MAPK8IP1: variants seen among roughly 807,000 people sequenced by gnomAD.
MAPK8IP1 encodes C-Jun-amino-terminal kinase-interacting protein 1.
MAPK8IP1 carries 17 observed loss-of-function variants against 72.6 expected under a neutral mutation model. The observed-to-expected ratio is 0.23, with a 90% CI of 0.16 to 0.35. The LOEUF (loss-of-function observed/expected upper bound fraction) is 0.35. Ranked by LOEUF, MAPK8IP1 falls within the 10% of genes least tolerant of loss-of-function variation. MAPK8IP1 has a pLI of 1.00. For missense variants in MAPK8IP1, 789 were observed against 1,009.7 expected (o/e 0.78, Z 2.96); for synonymous variants, 401 against 443.4 (o/e 0.90, Z 1.20).
chr11:45,886,730 A>G (rs1025195297), intron 1 of MAPK8IP1, among the ~76,000 whole-genome samples: 5 of 152,110 alleles, frequency 3.3e-5, no homozygotes, highest in Non-Finnish European at 7.4e-5. Context: ...TACCTCCCCC[A>G]TAATTCTGAA....
In MAPK8IP1 at chr11:45,902,370, A is replaced by C; in HGVS notation, c.605-2A>C. The C allele has an allele frequency of 6.4e-7, 1 of 1,559,212 alleles. No individual in the cohort carries two copies. The highest frequency in any genetic ancestry group is 8.7e-7 in the Non-Finnish European group (1 of 1,151,794). Reference sequence around the variant, plus strand: ...TGCCTTCATGACCTGCCTGCTCTCCAGGGGAGCAGACACCACCGCATGAAC... The same window carrying C: ...TGCCTTCATGACCTGCCTGCTCTCCCGGGGAGCAGACACCACCGCATGAAC... On this transcript the variant is annotated splice_acceptor_variant, in intron 4 of 11. Coordinates refer to ENST00000241014, the MANE Select transcript of MAPK8IP1 (RefSeq NM_005456.4). LOFTEE classifies it high-confidence loss of function. The surrounding 1 kb of genome is among the most constrained non-coding windows in gnomAD (Gnocchi z 9.3).
At chr11:45,899,952 G>T (rs1414868417) in intron 2 of MAPK8IP1, among the ~76,000 whole-genome samples, 186 bp from the exon 3 acceptor site, 1 of 152,170 alleles carries the variant, frequency 6.6e-6, no homozygotes, top group African/African-American at 2.4e-5. Flanking sequence ...CTGGATCGGG[G>T]AGGCGGCGGC....
rs2086670994 is a variant in MAPK8IP1 at position 45,903,179 on chromosome 11, C to T, written c.1412C>T (p.Ser471Phe). ...LNVFMSGRSR[S>F]SSAESFGLFS... ...GTCTTCATGAGTGGCCGCTCCCGCT[C>T]CTCCAGTGAGTCAGCAAGGGGAAGC... is the stretch of plus-strand genomic sequence containing the variant. Residue 471 changes from serine to phenylalanine, a missense_variant, in exon 5 of 12, where the codon TCC becomes TTC. Ser to Phe is a radical substitution (Grantham distance 155, BLOSUM62 -2). This residue lies in a region of MAPK8IP1 where 377 missense variants were observed against 411.7 expected (regional missense o/e 0.92). Coordinates refer to ENST00000241014, the MANE Select transcript of MAPK8IP1 (RefSeq NM_005456.4). The surrounding 1 kb of genome is among the most constrained non-coding windows in gnomAD (Gnocchi z 6.4). 1 of 1,601,158 alleles carries T rather than the reference C, an allele frequency of 6.2e-7. No individual in the cohort carries two copies. The highest frequency in any genetic ancestry group is 1.1e-5 in the South Asian group (1 of 90,560).
At chr11:45,898,399 C>T (rs2086623901) in intron 2 of MAPK8IP1, among the ~76,000 whole-genome samples, 1 of 152,158 alleles carries the variant, frequency 6.6e-6, no homozygotes, top group Admixed American at 6.5e-5. Flanking sequence ...ATTATTACTG[C>T]TGTCGGGGAC....
chr11:45,902,047 C>T lies in MAPK8IP1; in HGVS notation c.590C>T (p.Ser197Leu). ...SWQDRVSRSS[S>L]PLKTGEQTPP... ...CAGGATCGGGTGTCTCGATCATCCTCACCCCTGAAGACAGGTAAGTCAGGG... is the reference window on the plus strand; with the variant it reads ...CAGGATCGGGTGTCTCGATCATCCTTACCCCTGAAGACAGGTAAGTCAGGG... The change falls in exon 4 of 12, where the codon TCA becomes TTA. Residue 197 changes from serine (S) to leucine (L), a missense_variant. Ser to Leu is a moderately radical substitution (Grantham distance 145). Transcript: ENST00000241014. This position sits in a 1 kb window ranked among gnomAD's most constrained non-coding sequence, Gnocchi z 9.3. 1.2e-6 allele frequency: 2 copies of T among 1,614,102 alleles called. No individual in the cohort carries two copies. The highest frequency in any genetic ancestry group is 1.7e-5 in the Admixed American group (1 of 60,026).
At chr11:45,898,236 C>A in intron 2 of MAPK8IP1, 46 bp downstream of exon 2, 1 of 1,343,054 alleles carries the variant, frequency 7.4e-7, no homozygotes. Context: ...GGCAGGAAGG[C>A]TAGGGACAGG....
chr11:45,897,223 G>A (rs2086615731), intron 1 of MAPK8IP1, among the ~76,000 whole-genome samples: 1 of 151,118 alleles, frequency 6.6e-6, no homozygotes, highest in African/African-American at 2.4e-5. Context: ...AGCAAGCCAG[G>A]CAGAGTGCCC....
chr11:45,885,950 G>T, intron 1 of MAPK8IP1, 29 bp downstream of exon 1: 1 of 1,416,136 alleles, frequency 7.1e-7, no homozygotes. Context: ...CGCGCGCCTC[G>T]CCCTTCAGCG....
At chr11:45,896,961 C>T (rs1443172213) in intron 1 of MAPK8IP1, 3 of 1,565,928 alleles carry the variant, frequency 1.9e-6, no homozygotes, top group East Asian at 4.7e-5. Context: ...GTAGGGGCTA[C>T]CGGGGCTGGC....
At chr11:45,901,150 C>T (rs929270041) in intron 3 of MAPK8IP1, among the ~76,000 whole-genome samples, 1 of 152,010 alleles carries the variant, frequency 6.6e-6, no homozygotes, top group Non-Finnish European at 1.5e-5. Flanking sequence ...GCTGGGGCTG[C>T]GGGGAAAGGC....
In MAPK8IP1 at chr11:45,904,708, T is replaced by C. The variant is rs1280059498; in HGVS notation, c.1777-10T>C. On this transcript the variant is annotated splice_polypyrimidine_tract_variant and intron_variant, in intron 8 of 11. Transcript: ENST00000241014. This position sits in a 1 kb window ranked among gnomAD's most constrained non-coding sequence, Gnocchi z 6.4. ...ACAGCAGCTGACGTGGCTCCATTTG[T>C]CACCTGTAGATTGCCACCACCCGCC... 1.5e-5 allele frequency: 24 copies of C among 1,613,478 alleles called. No homozygotes were observed. Among genetic ancestry groups the C allele is most frequent in the Non-Finnish European group, 2.0e-5 (24 of 1,179,870 alleles).
intron 1 of MAPK8IP1, among the ~76,000 whole-genome samples, chr11:45,897,621 G>A (rs1217263272): frequency 6.6e-6 from 1 of 152,202 alleles, no homozygotes; most frequent in African/African-American, 2.4e-5. Flanking sequence ...TCCTGAGCTG[G>A]GGCGTGGGGC....
intron 1 of MAPK8IP1, among the ~76,000 whole-genome samples, chr11:45,886,302 G>A (rs1302558388): frequency 6.6e-6 from 1 of 152,236 alleles, no homozygotes; most frequent in Non-Finnish European, 1.5e-5. Context: ...GCTGGGAACA[G>A]CCTGGAGGGG....
chr11:45,905,133 A>G lies in MAPK8IP1; in HGVS notation c.1965-18A>G, dbSNP rs138336398. The G allele has an allele frequency of 8.7e-6, 14 of 1,613,592 alleles. No individual in the cohort carries two copies. Among genetic ancestry groups the G allele is most frequent in the Non-Finnish European group, 1.2e-5 (14 of 1,179,680 alleles). ...GGGCCGAGCCCCCGTCCCAGCACAG[A>G]CAGACCTGTCCCTGCAGGTACTTTG... On this transcript the variant is annotated intron_variant, in intron 10 of 11. Transcript: ENST00000241014.
chr11:45,886,056 G>C, intron 1 of MAPK8IP1, 135 bp downstream of exon 1: 1 of 489,856 alleles, frequency 2.0e-6, no homozygotes. Context: ...GTCTCTTCCC[G>C]GGACAGAGCC....
Position 45,902,960 on chromosome 11 carries a change from C to T in MAPK8IP1, c.1193C>T (p.Pro398Leu). 6.2e-7 allele frequency: 1 copy of T among 1,611,948 alleles called. No individual in the cohort carries two copies. Among genetic ancestry groups the T allele is most frequent in the Non-Finnish European group, 8.5e-7 (1 of 1,179,850 alleles). ...HAQLELVSLRPCFGDYSDESD... is the reference protein window; with the variant it reads ...HAQLELVSLRLCFGDYSDESD... ...CAGCTGGAGCTGGTGAGCCTGCGGC[C>T]GTGCTTCGGAGACTACAGTGACGAG... The change falls in exon 5 of 12, where the codon CCG (proline) becomes CTG (leucine). Residue 398 changes from proline (P) to leucine (L), a missense_variant. Around this residue, in one of 4 missense-constraint regions of MAPK8IP1, gnomAD observed 377 missense variants for 411.7 expected, o/e 0.92. Transcript: ENST00000241014. The surrounding 1 kb of genome is among the most constrained non-coding windows in gnomAD (Gnocchi z 9.3).
At chr11:45,887,278 TGGGC>T (rs2086534655) in intron 1 of MAPK8IP1, among the ~76,000 whole-genome samples, 1 of 152,184 alleles carries the variant, frequency 6.6e-6, no homozygotes, top group Non-Finnish European at 1.5e-5. Flanking sequence ...ATCTGTTAAG[TGGGC>T]TAATTAATAT....
At chr11:45,901,885 G>T in intron 3 of MAPK8IP1, 95 bp from the exon 4 acceptor site, 1 of 900,576 alleles carries the variant, frequency 1.1e-6, no homozygotes, top group Non-Finnish European at 1.9e-6. Context: ...ACAGCAAATG[G>T]CCCTAGGGAT....
In MAPK8IP1 at chr11:45,901,961, C is replaced by G. The variant is rs1394957554; in HGVS notation, c.523-19C>G. ...CTGTTGACCACTTCCATCACAAGAG[C>G]CTTTTGTTCCCTGCACAGGACACAC... On this transcript the variant is annotated intron_variant, in intron 3 of 11. Transcript: ENST00000241014. 6.2e-7 allele frequency: 1 copy of G among 1,601,568 alleles called. No homozygotes were observed. Among genetic ancestry groups the G allele is most frequent in the African/African-American group, 1.3e-5 (1 of 74,786 alleles).
Sources: allele counts gnomAD v4.1 joint callset (sites outside exome capture counted in the v4.1 genomes callset), GRCh38; gene constraint gnomAD v4.1.1; regional missense constraint gnomAD v4.1.1; non-coding constraint Gnocchi (gnomAD v3.1); transcripts MANE v1.5; gene names NCBI Gene and HGNC (gene_info 2026-07-23, HGNC 2026-07-21).